Variants in MGMT observed in about 807,000 individuals in gnomAD.
The protein encoded by MGMT is methylated-DNA--protein-cysteine methyltransferase.
In MGMT, 14 loss-of-function variants were observed where a neutral mutation model predicts 15.9. The observed-to-expected ratio is 0.88, with a 90% confidence interval of 0.58 to 1.37. MGMT has a LOEUF of 1.37. Ranked by LOEUF, MGMT falls within the 40% of genes most tolerant of loss-of-function variation. The probability of loss-of-function intolerance (pLI) is 0.00; values close to 1 mark genes in which losing one functional copy is unlikely to be tolerated. For missense variants in MGMT, 282 were observed against 268.1 expected (o/e 1.05, Z -0.36); for synonymous variants, 130 against 118.2 (o/e 1.10, Z -0.65).
At chr10:129,742,150 C>T (rs1266641001) in intron 3 of MGMT, among the ~76,000 whole-genome samples, 1 of 152,188 alleles carries the variant, frequency 6.6e-6, no homozygotes. Context: ...CTGAGCTGCA[C>T]CTCTGTGTCA....
Position 129,633,104 on chromosome 10 carries a change from A to G in MGMT, c.126-74791A>G, listed in dbSNP as rs576320050. ...ATGCTGCTGATAACAGTAAGTTGCT[A>G]TCAGTCTTGTGACCATATACATACA... On this transcript the variant is annotated intron_variant, in intron 2 of 4. Coordinates refer to ENST00000651593, the MANE Select transcript of MGMT (RefSeq NM_002412.5). 2.0e-5 allele frequency among the ~76,000 whole-genome samples: 3 copies of G among 152,356 alleles called. 1 individual carries two copies. Among genetic ancestry groups the G allele is most frequent in the South Asian group, 4.1e-4 (2 of 4,830 alleles).
intron 1 of MGMT, among the ~76,000 whole-genome samples, chr10:129,488,954 T>C (rs1284292609): frequency 6.6e-6 from 1 of 152,238 alleles, no homozygotes; most frequent in Non-Finnish European, 1.5e-5. Context: ...AGCTGCTGAC[T>C]ATTCCAAGTG....
At chr10:129,679,914 G>A (rs1847828277) in intron 2 of MGMT, among the ~76,000 whole-genome samples, 1 of 152,114 alleles carries the variant, frequency 6.6e-6, no homozygotes, top group African/African-American at 2.4e-5. Context: ...AAAATTAAAA[G>A]GAATTTTTCC....
chr10:129,624,382 C>T (rs1317708304), intron 2 of MGMT, among the ~76,000 whole-genome samples: 2 of 152,052 alleles, frequency 1.3e-5, no homozygotes, highest in Admixed American at 6.5e-5. Flanking sequence ...GACCCCGGGC[C>T]GTGTGTCTTT....
chr10:129,598,282 C>A (rs1846775925), intron 2 of MGMT, among the ~76,000 whole-genome samples: 1 of 152,166 alleles, frequency 6.6e-6, no homozygotes, highest in Non-Finnish European at 1.5e-5. Flanking sequence ...GAGATTGAAC[C>A]CTGCGTGGGC....
At chr10:129,676,151 C>T (rs543693297) in intron 2 of MGMT, among the ~76,000 whole-genome samples, 1 of 152,198 alleles carries the variant, frequency 6.6e-6, no homozygotes, top group Admixed American at 6.5e-5. Flanking sequence ...CCATCCTGTG[C>T]GTGAATCAAT....
At chr10:129,585,889 A>G (rs1846612667) in intron 2 of MGMT, among the ~76,000 whole-genome samples, 1 of 152,038 alleles carries the variant, frequency 6.6e-6, no homozygotes, top group Non-Finnish European at 1.5e-5. Flanking sequence ...TGCCAGCATC[A>G]CTATTCTTGC....
chr10:129,722,647 A>T (rs563565040), intron 3 of MGMT, among the ~76,000 whole-genome samples: 1 of 152,356 alleles, frequency 6.6e-6, no homozygotes, highest in Non-Finnish European at 1.5e-5. Flanking sequence ...CAACAGAGAG[A>T]GAGACCAGTG....
intron 2 of MGMT, among the ~76,000 whole-genome samples, chr10:129,689,179 C>T (rs1847943843): frequency 1.3e-5 from 2 of 152,200 alleles, no homozygotes; most frequent in South Asian, 4.1e-4. Flanking sequence ...GTCCACCTGC[C>T]CCAGCCTCCA....
At chr10:129,567,467 G>A (rs1275546090) in intron 2 of MGMT, among the ~76,000 whole-genome samples, 7 of 152,202 alleles carry the variant, frequency 4.6e-5, no homozygotes, top group Middle Eastern at 3.4e-3. Flanking sequence ...GGGTCCCGGC[G>A]AGAAAGAGCC....
chr10:129,638,429 C>CAAAAAAAAAAAAAAAAAGAAA, intron 2 of MGMT, among the ~76,000 whole-genome samples: 4 of 61,754 alleles, frequency 6.5e-5, no homozygotes, highest in Admixed American at 2.2e-4. Context: ...ACCAAAGAGG[C>CAAAAAAAAAAAAAAAAAGAAA]AAAAAAAAAA....
At chr10:129,555,554 A>T (rs988828536) in intron 2 of MGMT, among the ~76,000 whole-genome samples, 2 of 135,014 alleles carry the variant, frequency 1.5e-5, no homozygotes, top group African/African-American at 5.1e-5. Flanking sequence ...AAAAAAACTT[A>T]AAAAAAAAAA....
chr10:129,511,268 C>G (rs1360712544), intron 1 of MGMT, among the ~76,000 whole-genome samples: 2 of 151,314 alleles, frequency 1.3e-5, no homozygotes, highest in Non-Finnish European at 2.9e-5. Flanking sequence ...CAGGCACATT[C>G]TTCCTGTGAT....
chr10:129,750,368 C>G (rs1848738772), intron 3 of MGMT, among the ~76,000 whole-genome samples: 1 of 152,212 alleles, frequency 6.6e-6, no homozygotes, highest in East Asian at 1.9e-4. Context: ...AAAGACTATG[C>G]TTTCTCCATT....
chr10:129,508,211 G>A (rs773533927), intron 1 of MGMT, among the ~76,000 whole-genome samples: 1 of 152,142 alleles, frequency 6.6e-6, no homozygotes, highest in Non-Finnish European at 1.5e-5. Context: ...CCTTTTGCGG[G>A]TGGTTCTGAT....
chr10:129,688,392 G>A (rs1847933838), intron 2 of MGMT, among the ~76,000 whole-genome samples: 1 of 152,194 alleles, frequency 6.6e-6, no homozygotes, highest in South Asian at 2.1e-4. Flanking sequence ...TCTAACTGGT[G>A]TGAGATGGTA....
At chr10:129,486,065 AT>A (rs559916211) in intron 1 of MGMT, among the ~76,000 whole-genome samples, 2 of 151,638 alleles carry the variant, frequency 1.3e-5, no homozygotes, top group Admixed American at 6.6e-5. Context: ...AGCCTTTTTA[AT>A]TTTTTTTTCT....
chr10:129,485,734 C>G (rs1845401663), intron 1 of MGMT, among the ~76,000 whole-genome samples: 1 of 152,222 alleles, frequency 6.6e-6, no homozygotes, highest in South Asian at 2.1e-4. Context: ...TTCGTTTTAG[C>G]TGTTACATGT....
At chr10:129,491,154 G>C (rs1313770267) in intron 1 of MGMT, among the ~76,000 whole-genome samples, 1 of 151,962 alleles carries the variant, frequency 6.6e-6, no homozygotes, top group Non-Finnish European at 1.5e-5. Context: ...CTGCTTGAAG[G>C]ACTTGTTTGT....
Sources: allele counts gnomAD v4.1 joint callset (sites outside exome capture counted in the v4.1 genomes callset), GRCh38; gene constraint gnomAD v4.1.1; transcripts MANE v1.5; gene names NCBI Gene and HGNC (gene_info 2026-07-23, HGNC 2026-07-21).